PARN: variants seen among roughly 807,000 people sequenced by gnomAD.
PARN encodes poly(A)-specific ribonuclease.
A neutral mutation model predicts 102.8 loss-of-function variants in PARN; 71 were observed. The observed-to-expected ratio is 0.69, with a 90% CI of 0.57 to 0.84. The LOEUF (loss-of-function observed/expected upper bound fraction) is 0.84, where lower values mean the gene tolerates loss of function less well. Ranked by LOEUF, PARN falls within the 40% of genes least tolerant of loss-of-function variation. The pLI is 0.00. For missense variants in PARN, 782 were observed against 760.9 expected (o/e 1.03, Z -0.33); for synonymous variants, 261 against 252.9 (o/e 1.03, Z -0.30).
At chr16:14,451,679 A>G (rs1961452456) in intron 22 of PARN, among the ~76,000 whole-genome samples, 1 of 151,762 alleles carries the variant, frequency 6.6e-6, no homozygotes, top group South Asian at 2.1e-4. Context: ...GGTAACGTTA[A>G]TTCCCTGTGT....
In PARN at chr16:14,630,122, C is replaced by T; in HGVS notation, c.4G>A (p.Glu2Lys). Residue 2 changes from glutamate (E) to lysine (K), a missense_variant, in exon 1 of 24, where the codon GAG becomes AAG. Transcript: ENST00000437198. Reference protein sequence around the residue: MEIIRSNFKSNL... With the variant: MKIIRSNFKSNL... ...GGACACGCACTGCTCCTGATTATCT[C>T]CATTCTGCAGAGTGGCCGGAACCTT... 6.4e-7 allele frequency: 1 copy of T among 1,562,398 alleles called. No individual in the cohort carries two copies. The highest frequency in any genetic ancestry group is 8.7e-7 in the Non-Finnish European group (1 of 1,152,558).
chr16:14,619,147 G>A lies in PARN; in HGVS notation c.328-1497C>T, dbSNP rs147193634. ...AAGGTGAGGAGGTTGAGGCTGTAGT[G>A]GGCTACCATCATGCCACTGCACTCC... On this transcript the variant is annotated intron_variant, in intron 5 of 23. Transcript: ENST00000437198. Among the ~76,000 whole-genome samples, 616 of 152,010 alleles carry A rather than the reference G, an allele frequency of 4.1e-3. 3 individuals are homozygous for A. The highest frequency in any genetic ancestry group is 0.012 in the Admixed American group (179 of 15,262).
chr16:14,518,548 C>T (rs1965576570), intron 21 of PARN, among the ~76,000 whole-genome samples: 1 of 151,478 alleles, frequency 6.6e-6, no homozygotes, highest in African/African-American at 2.4e-5. Flanking sequence ...ATAAAAAAAG[C>T]AAAGTAGAAA....
chr16:14,563,522 G>GTGTGTATATATA lies in PARN; in HGVS notation c.1263-7814_1263-7813insTATATATACACA, dbSNP rs1423811963. ...TGTGTGTGTGTGTGTGTGTGTGTGT[G>GTGTGTATATATA]TATATAATTCTTTTAAGTTCTGGGA... On this transcript the variant is annotated intron_variant, in intron 18 of 23. Transcript: ENST00000437198. 8.2e-3 allele frequency among the ~76,000 whole-genome samples: 1,218 copies of GTGTGTATATATA among 149,240 alleles called. 7 individuals are homozygous for GTGTGTATATATA. Among genetic ancestry groups the GTGTGTATATATA allele is most frequent in the Non-Finnish European group, 0.012 (789 of 67,404 alleles).
At chr16:14,505,040 G>C (rs574652966) in intron 21 of PARN, among the ~76,000 whole-genome samples, 1 of 152,308 alleles carries the variant, frequency 6.6e-6, no homozygotes, top group South Asian at 2.1e-4. Flanking sequence ...TAAGTGGTCA[G>C]GGAAAGTCTT....
intron 13 of PARN, among the ~76,000 whole-genome samples, chr16:14,589,686 C>T (rs1236861683): frequency 2.0e-5 from 3 of 151,262 alleles, no homozygotes; most frequent in East Asian, 2.0e-4. Flanking sequence ...GCCAACATGG[C>T]GAAATCCCGT....
At chr16:14,566,639 A>G (rs892477359) in intron 18 of PARN, among the ~76,000 whole-genome samples, 12 of 152,356 alleles carry the variant, frequency 7.9e-5, no homozygotes, top group Admixed American at 7.8e-4. Flanking sequence ...CCTACTACAG[A>G]GGAGGCAAGT....
intron 21 of PARN, among the ~76,000 whole-genome samples, chr16:14,529,347 T>C (rs955335545): frequency 1.2e-4 from 18 of 152,220 alleles, no homozygotes; most frequent in African/African-American, 4.3e-4. Context: ...CAAAGTCACA[T>C]CTGGAGCATT....
At chr16:14,626,150 A>C in intron 5 of PARN, among the ~76,000 whole-genome samples, 1 of 152,162 alleles carries the variant, frequency 6.6e-6, no homozygotes, top group Non-Finnish European at 1.5e-5. Context: ...AGCTTGAGAA[A>C]AGGAAGTCAG....
chr16:14,555,877 T>C (rs551697369), intron 18 of PARN, among the ~76,000 whole-genome samples, 168 bp from the exon 19 acceptor site: 1 of 151,814 alleles, frequency 6.6e-6, no homozygotes, highest in East Asian at 1.9e-4. Context: ...TATTATTTAT[T>C]TTTTTTTAGA....
intron 13 of PARN, among the ~76,000 whole-genome samples, chr16:14,588,550 T>G (rs1252486469): frequency 6.6e-6 from 1 of 152,198 alleles, no homozygotes; most frequent in African/African-American, 2.4e-5. Context: ...TAAATACATT[T>G]TCCTCTTGCC....
intron 23 of PARN, among the ~76,000 whole-genome samples, chr16:14,441,779 T>G (rs996407933): frequency 1.3e-5 from 2 of 152,248 alleles, no homozygotes; most frequent in African/African-American, 4.8e-5. Context: ...CTCGGCTGCC[T>G]CAGCCTGGTC....
intron 22 of PARN, among the ~76,000 whole-genome samples, chr16:14,457,329 T>C (rs1349843597): frequency 6.6e-6 from 1 of 152,128 alleles, no homozygotes; most frequent in Non-Finnish European, 1.5e-5. Context: ...TAGAAATGCC[T>C]TTTTATTGTG....
chr16:14,545,642 G>A (rs1186415672), intron 21 of PARN, among the ~76,000 whole-genome samples: 2 of 152,124 alleles, frequency 1.3e-5, no homozygotes, highest in African/African-American at 2.4e-5. Flanking sequence ...AGGCCTGTGC[G>A]CCCACAGAGG....
intron 23 of PARN, 68 bp from the exon 24 acceptor site, chr16:14,436,840 G>A: frequency 8.8e-7 from 1 of 1,142,680 alleles, no homozygotes; most frequent in South Asian, 1.3e-5. Context: ...AGCATGACAT[G>A]ACCAGCAGAC....
chr16:14,613,929 G>A (rs928531700), intron 6 of PARN, among the ~76,000 whole-genome samples: 1 of 152,118 alleles, frequency 6.6e-6, no homozygotes, highest in African/African-American at 2.4e-5. Flanking sequence ...TGAATCAGAA[G>A]CATGAGTAGT....
At position 14,552,009 on chromosome 16, in the gene PARN, C is replaced by T; in HGVS notation, c.1480+12G>A. The T allele has an allele frequency of 6.3e-7, 1 of 1,596,160 alleles. No homozygotes were observed. Among genetic ancestry groups the T allele is most frequent in the Non-Finnish European group, 8.6e-7 (1 of 1,164,686 alleles). On this transcript the variant is annotated intron_variant, in intron 21 of 23. Transcript: ENST00000437198. ...GTATTTAATACACAAAACAGAAATCCAAAACACTTACCAATCTTTACTTGC... is the reference window on the plus strand; with the variant it reads ...GTATTTAATACACAAAACAGAAATCTAAAACACTTACCAATCTTTACTTGC...
intron 21 of PARN, among the ~76,000 whole-genome samples, chr16:14,535,313 T>A (rs1385591228): frequency 2.6e-5 from 4 of 152,226 alleles, no homozygotes; most frequent in Non-Finnish European, 5.9e-5. Flanking sequence ...CATTTGCTAG[T>A]GTTTTTGCTA....
At chr16:14,608,425 G>A (rs1971324617) in intron 8 of PARN, 106 bp from the exon 9 acceptor site, 1 of 678,088 alleles carries the variant, frequency 1.5e-6, no homozygotes, top group Admixed American at 3.2e-5. Context: ...GACTTCATTA[G>A]AACTGATAGG....
Sources: gnomAD v4.1 joint callset for allele counts (sites outside exome capture counted in the v4.1 genomes callset) on GRCh38, gnomAD v4.1.1 for gene constraint, MANE v1.5 for transcripts, NCBI Gene and HGNC (gene_info 2026-07-23, HGNC 2026-07-21) for gene names.